DPP6: variants seen among roughly 807,000 people sequenced by gnomAD.
DPP6 encodes the protein A-type potassium channel modulatory protein DPP6.
In DPP6, 69 loss-of-function variants were observed where a neutral mutation model predicts 122.6. That is an observed-to-expected ratio of 0.56 (90% CI 0.46 to 0.69). DPP6 has a LOEUF of 0.69. DPP6 is among the 30% of genes least tolerant of loss of function. DPP6 has a pLI of 0.00. For missense variants in DPP6, 928 were observed against 1,116.9 expected (o/e 0.83, Z 2.41); for synonymous variants, 418 against 433.1 (o/e 0.97, Z 0.43).
chr7:153,900,370 G>A (rs1799593931), intron 1 of DPP6, among the ~76,000 whole-genome samples: 1 of 152,050 alleles, frequency 6.6e-6, no homozygotes, highest in East Asian at 1.9e-4. Flanking sequence ...CCTGAGGCTG[G>A]GTAATCTTTA....
the DPP6 span, among the ~76,000 whole-genome samples, chr7:153,785,477 A>G: frequency 1.4e-4 from 22 of 151,972 alleles, no homozygotes; most frequent in African/African-American, 5.1e-4. Context: ...TACCTTTTCT[A>G]TTTGTTGATC....
chr7:154,305,694 G>T, intron 1 of DPP6: 2 of 1,265,916 alleles, frequency 1.6e-6, no homozygotes, highest in Non-Finnish European at 1.1e-6. Flanking sequence ...GTTTATGACT[G>T]TAGCCCCCTG....
At chr7:154,341,116 A>G (rs893465468) in intron 1 of DPP6, among the ~76,000 whole-genome samples, 1 of 152,218 alleles carries the variant, frequency 6.6e-6, no homozygotes, top group South Asian at 2.1e-4. Context: ...ATATCATGCA[A>G]TCCAAATGCT....
chr7:154,536,060 T>C (rs1828228499), intron 3 of DPP6, among the ~76,000 whole-genome samples: 1 of 152,194 alleles, frequency 6.6e-6, no homozygotes, highest in Admixed American at 6.5e-5. Context: ...TGCATGAATT[T>C]GAATGCATAA....
intron 1 of DPP6, among the ~76,000 whole-genome samples, chr7:154,170,041 G>A (rs1046338117): frequency 6.6e-6 from 1 of 152,126 alleles, no homozygotes; most frequent in African/African-American, 2.4e-5. Context: ...TCTTATCAGA[G>A]TTACAGTGGG....
At chr7:153,855,165 C>T in the DPP6 span, among the ~76,000 whole-genome samples, 1 of 148,460 alleles carries the variant, frequency 6.7e-6, no homozygotes, top group Non-Finnish European at 1.5e-5. Flanking sequence ...GTGCAGCGCA[C>T]CAGCATGGCA....
Position 154,875,889 on chromosome 7 carries a change from C to T in DPP6, c.1884-17C>T, listed in dbSNP as rs920036536. 1.4e-5 allele frequency: 22 copies of T among 1,598,260 alleles called. No homozygotes were observed. The highest frequency in any genetic ancestry group is 8.1e-5 in the African/African-American group (6 of 74,508). Reference sequence around the variant, plus strand: ...CACCACGCAGCAGGCCTGCTGAGCCCGGGATTCTCTTTCCAGGGATGGCAC... The same window carrying T: ...CACCACGCAGCAGGCCTGCTGAGCCTGGGATTCTCTTTCCAGGGATGGCAC... On this transcript the variant is annotated splice_polypyrimidine_tract_variant and intron_variant, in intron 19 of 25. Coordinates refer to ENST00000377770, the MANE Select transcript of DPP6 (RefSeq NM_130797.4). This position sits in a 1 kb window ranked among gnomAD's most constrained non-coding sequence, Gnocchi z 4.5.
At chr7:154,024,541 G>A (rs1798880843) in intron 1 of DPP6, among the ~76,000 whole-genome samples, 1 of 152,150 alleles carries the variant, frequency 6.6e-6, no homozygotes, top group Non-Finnish European at 1.5e-5. Context: ...TTCAAGGGAT[G>A]CCTTTGAAAG....
At chr7:154,434,005 C>A (rs988771362) in intron 1 of DPP6, among the ~76,000 whole-genome samples, 1 of 152,194 alleles carries the variant, frequency 6.6e-6, no homozygotes, top group African/African-American at 2.4e-5. Flanking sequence ...GTGGTTATTT[C>A]TTTAAAATCC....
chr7:154,019,499 C>T (rs2129051450), intron 1 of DPP6, among the ~76,000 whole-genome samples: 1 of 151,456 alleles, frequency 6.6e-6, no homozygotes, highest in Admixed American at 6.6e-5. Flanking sequence ...CTCTCCCTTT[C>T]TTTCTTTTCT....
intron 1 of DPP6, among the ~76,000 whole-genome samples, chr7:154,337,795 T>C (rs1215073007): frequency 1.3e-5 from 2 of 152,184 alleles, no homozygotes; most frequent in Admixed American, 1.3e-4. Flanking sequence ...AGGGAGAAGG[T>C]GGATAAGAGA....
intron 7 of DPP6, among the ~76,000 whole-genome samples, chr7:154,678,880 G>A (rs1839102640): frequency 6.6e-6 from 1 of 152,176 alleles, no homozygotes; most frequent in Admixed American, 6.5e-5. Flanking sequence ...ACCTTGTAGG[G>A]CTCATGGTGG....
At chr7:154,297,227 G>T (rs1585859570) in intron 1 of DPP6, among the ~76,000 whole-genome samples, 1 of 152,072 alleles carries the variant, frequency 6.6e-6, no homozygotes, top group African/African-American at 2.4e-5. Flanking sequence ...AATTCTTTCT[G>T]CAAGAACCAG....
At chr7:154,681,252 C>A (rs1839262089) in intron 7 of DPP6, among the ~76,000 whole-genome samples, 1 of 152,170 alleles carries the variant, frequency 6.6e-6, no homozygotes, top group Non-Finnish European at 1.5e-5. Context: ...TTCCTTAATT[C>A]AATTGCGACT....
chr7:154,312,288 A>T (rs1234445541), intron 1 of DPP6, among the ~76,000 whole-genome samples: 1 of 152,236 alleles, frequency 6.6e-6, no homozygotes, highest in African/African-American at 2.4e-5. Context: ...AAAAACTGCC[A>T]TAATATGCAC....
intron 5 of DPP6, among the ~76,000 whole-genome samples, chr7:154,570,829 T>C (rs1831061970): frequency 6.6e-6 from 1 of 152,212 alleles, no homozygotes; most frequent in South Asian, 2.1e-4. Context: ...ATATCAATTA[T>C]CAAGTAAATT....
At chr7:154,694,895 C>CCA (rs962289047) in intron 7 of DPP6, among the ~76,000 whole-genome samples, 2 of 151,958 alleles carry the variant, frequency 1.3e-5, no homozygotes. Flanking sequence ...TCTCCTCGTG[C>CCA]CACACACACA....
chr7:153,800,061 C>G, the DPP6 span, among the ~76,000 whole-genome samples: 1 of 152,100 alleles, frequency 6.6e-6, no homozygotes, highest in Admixed American at 6.5e-5. Context: ...TCCTGTAATC[C>G]CACTGCTGGG....
At chr7:153,847,814 G>A in the DPP6 span, among the ~76,000 whole-genome samples, 1 of 152,150 alleles carries the variant, frequency 6.6e-6, no homozygotes, top group Non-Finnish European at 1.5e-5. Context: ...GCATGCGTCT[G>A]CAGTTCAGTT....
Sources: gnomAD v4.1 joint callset for allele counts (sites outside exome capture counted in the v4.1 genomes callset) on GRCh38, gnomAD v4.1.1 for gene constraint, Gnocchi (gnomAD v3.1) non-coding constraint, MANE v1.5 for transcripts, NCBI Gene and HGNC (gene_info 2026-07-23, HGNC 2026-07-21) for gene names.